The following AVEN variants were observed in gnomAD, a reference collection of about 807,000 sequenced individuals.
The protein encoded by AVEN is cell death regulator Aven.
AVEN carries 41 observed loss-of-function variants against 38.1 expected under a neutral mutation model. The ratio of observed to expected loss-of-function variants is 1.08; its 90% CI spans 0.84 to 1.40. The LOEUF (loss-of-function observed/expected upper bound fraction) is 1.40, where lower values mean the gene tolerates loss of function less well. Ranked by LOEUF, AVEN falls within the 40% of genes most tolerant of loss-of-function variation. AVEN has a pLI of 0.00. For missense variants in AVEN, 605 were observed against 438.8 expected, an observed-to-expected ratio of 1.38 and a Z score of -3.38; for synonymous variants, 206 against 171.8, an observed-to-expected ratio of 1.20 and a Z score of -1.56.
At chr15:34,067,649 A>G (rs1900544414) in intron 2 of AVEN, among the ~76,000 whole-genome samples, 1 of 152,178 alleles carries the variant, frequency 6.6e-6, no homozygotes, top group African/African-American at 2.4e-5. Flanking sequence ...GTTACCAATG[A>G]CCAAACTAAG....
chr15:33,867,901 A>G, intron 4 of AVEN, 46 bp from the exon 5 acceptor site: 1 of 1,522,084 alleles, frequency 6.6e-7, no homozygotes, highest in South Asian at 1.3e-5. Flanking sequence ...GAGTCTTGCC[A>G]TATTGGCTTA....
chr15:33,892,582 C>A lies in AVEN; in HGVS notation c.446-16587G>T, dbSNP rs188765685. On this transcript the variant is annotated intron_variant, in intron 2 of 5. Transcript: ENST00000306730. The stretch of plus-strand genomic sequence containing the variant: ...GAGGGCTTTGTTCTGTTCCATTGGT[C>A]TGTATCTCTGTTTTGGTACCAGCAC... Among the ~76,000 whole-genome samples, 1,081 of 152,240 alleles carry A rather than the reference C, an allele frequency of 7.1e-3. 14 individuals are homozygous for A. The highest frequency in any genetic ancestry group is 0.025 in the African/African-American group (1,030 of 41,530).
At chr15:33,934,696 C>T (rs1233196931) in intron 2 of AVEN, among the ~76,000 whole-genome samples, 1 of 152,158 alleles carries the variant, frequency 6.6e-6, no homozygotes, top group Non-Finnish European at 1.5e-5. Context: ...CAGAAACAAT[C>T]TGAGTATCAT....
rs1467966852 is a variant in AVEN at position 33,867,614 on chromosome 15, T to C, written c.854A>G (p.Glu285Gly). 1 of 1,614,020 alleles carries C rather than the reference T, an allele frequency of 6.2e-7. No individual in the cohort carries two copies. The highest frequency in any genetic ancestry group is 2.2e-5 in the East Asian group (1 of 44,880). ...ATCTAAATTAAGCAACAGATCTAGT[T>C]CTTCTTCCAAATGGTCTCCTGCTGA... ...LQSAGDHLEE[E>G]LDLLLNLDAP... Residue 285 changes from glutamate to glycine, a missense_variant, in exon 5 of 6, where the codon GAA becomes GGA. Physicochemically the swap from Glu to Gly is moderately conservative, Grantham distance 98. Coordinates refer to ENST00000306730, the MANE Select transcript of AVEN (RefSeq NM_020371.3).
At chr15:34,031,168 ATTTTTTT>A (rs34414446) in intron 1 of AVEN, among the ~76,000 whole-genome samples, 3 of 67,590 alleles carry the variant, frequency 4.4e-5, no homozygotes, top group Non-Finnish European at 7.6e-5. Flanking sequence ...GCTTAGGTTA[ATTTTTTT>A]TTTTTTTTTT....
chr15:34,059,179 G>T (rs1240314064), intron 5 of AVEN, among the ~76,000 whole-genome samples: 1 of 152,138 alleles, frequency 6.6e-6, no homozygotes, highest in East Asian at 1.9e-4. Context: ...TTACAGGCGT[G>T]AGCCACCACA....
At chr15:33,897,503 C>G (rs954444726) in intron 2 of AVEN, among the ~76,000 whole-genome samples, 13 of 152,042 alleles carry the variant, frequency 8.6e-5, no homozygotes, top group Non-Finnish European at 1.8e-4. Flanking sequence ...CCCCTGACCT[C>G]AGGCGATCTG....
chr15:34,048,442 G>A (rs151217757), intron 5 of AVEN, among the ~76,000 whole-genome samples: 4 of 150,880 alleles, frequency 2.7e-5, no homozygotes, highest in African/African-American at 9.7e-5. Context: ...TCATGGCCAG[G>A]CTGCTTCTTT....
intron 1 of AVEN, among the ~76,000 whole-genome samples, chr15:34,016,718 G>A (rs1182495257): frequency 6.6e-6 from 1 of 152,136 alleles, no homozygotes; most frequent in Non-Finnish European, 1.5e-5. Flanking sequence ...CCCTTCTCTG[G>A]TGAGTGGTCC....
intron 2 of AVEN, among the ~76,000 whole-genome samples, chr15:33,974,088 C>A (rs1417908653): frequency 6.6e-6 from 1 of 152,042 alleles, no homozygotes; most frequent in Non-Finnish European, 1.5e-5. Flanking sequence ...GCAAATTTAT[C>A]CCTTATGCTT....
chr15:33,902,982 T>A (rs1021681899), intron 2 of AVEN, among the ~76,000 whole-genome samples: 3 of 152,176 alleles, frequency 2.0e-5, no homozygotes, highest in African/African-American at 7.2e-5. Flanking sequence ...CACTTGTCAT[T>A]CTTTTGGCCG....
intron 5 of AVEN, among the ~76,000 whole-genome samples, chr15:34,054,598 C>T (rs778075837): frequency 2.0e-5 from 3 of 152,110 alleles, no homozygotes; most frequent in South Asian, 2.1e-4. Context: ...AACTAAACAC[C>T]GCATGTTCTC....
downstream of AVEN, chr15:33,864,260 G>C (rs1345820943): frequency 2.4e-6 from 3 of 1,226,454 alleles, no homozygotes; most frequent in East Asian, 2.4e-5. Context: ...GTAGGGCATA[G>C]GTTATCTGAA....
chr15:33,928,585 G>C (rs1380969103), intron 2 of AVEN, among the ~76,000 whole-genome samples: 1 of 152,190 alleles, frequency 6.6e-6, no homozygotes, highest in Non-Finnish European at 1.5e-5. Flanking sequence ...GCAACTGAAT[G>C]GGGGAGGCAG....
At chr15:34,003,303 AT>A (rs1897212214) in intron 1 of AVEN, 94 bp from the exon 2 acceptor site, 1 of 999,962 alleles carries the variant, frequency 1.0e-6, no homozygotes, top group East Asian at 2.5e-5. Context: ...GGACATAACA[AT>A]AAAAAGCAAT....
chr15:33,927,378 T>C (rs548472969), intron 2 of AVEN, among the ~76,000 whole-genome samples: 40 of 151,884 alleles, frequency 2.6e-4, no homozygotes, highest in Non-Finnish European at 5.6e-4. Flanking sequence ...TGAAATGAAT[T>C]AATTACCAAT....
chr15:33,878,286 G>C (rs1334545508), intron 2 of AVEN, among the ~76,000 whole-genome samples: 1 of 152,038 alleles, frequency 6.6e-6, no homozygotes, highest in Non-Finnish European at 1.5e-5. Flanking sequence ...GTATTCAAAA[G>C]TCTCAATAAA....
At chr15:34,028,886 A>T (rs142650966) in intron 1 of AVEN, among the ~76,000 whole-genome samples, 1 of 152,234 alleles carries the variant, frequency 6.6e-6, no homozygotes, top group South Asian at 2.1e-4. Flanking sequence ...GAGGAAAAAC[A>T]CACAGATGCC....
At chr15:33,918,839 A>C (rs1015092504) in intron 2 of AVEN, among the ~76,000 whole-genome samples, 1 of 152,040 alleles carries the variant, frequency 6.6e-6, no homozygotes, top group African/African-American at 2.4e-5. Flanking sequence ...ATGTGAAGGA[A>C]ATTAATCTAC....
Sources: allele counts gnomAD v4.1 joint callset (sites outside exome capture counted in the v4.1 genomes callset), GRCh38; gene constraint gnomAD v4.1.1; transcripts MANE v1.5; gene names NCBI Gene and HGNC (gene_info 2026-07-23, HGNC 2026-07-21).